Variants in FRMD5 observed in about 807,000 individuals in gnomAD.
The protein encoded by FRMD5 is FERM domain containing 5.
FRMD5 carries 20 observed loss-of-function variants against 69.0 expected under a neutral mutation model. The observed-to-expected ratio is 0.29, with a 90% CI of 0.20 to 0.42. The LOEUF is 0.42. FRMD5 is among the 10% of genes least tolerant of loss of function. The pLI is 1.00. For synonymous variants in FRMD5, 271 were observed against 260.1 expected (o/e 1.04, Z -0.40); for missense variants, 595 against 708.6 (o/e 0.84, Z 1.82).
At position 43,994,987 on chromosome 15, in the gene FRMD5, A is replaced by C. The variant is rs145711110; in HGVS notation, c.103-70678T>G. 2.0e-5 allele frequency among the ~76,000 whole-genome samples: 3 copies of C among 152,126 alleles called. No homozygotes were observed. The East Asian group carries it at 5.8e-4, about 29-fold the overall frequency. On this transcript the variant is annotated intron_variant, in intron 1 of 13. Coordinates refer to ENST00000417257, the MANE Select transcript of FRMD5 (RefSeq NM_032892.5). ...CTGAGAAAGCCTTTCTCTCTCCTTCATTTCTGAAGGACAGCTTCCAGGTAT... is the reference window on the plus strand; with the variant it reads ...CTGAGAAAGCCTTTCTCTCTCCTTCCTTTCTGAAGGACAGCTTCCAGGTAT...
chr15:44,106,851 T>A (rs1307428934), intron 1 of FRMD5, among the ~76,000 whole-genome samples: 1 of 152,228 alleles, frequency 6.6e-6, no homozygotes, highest in African/African-American at 2.4e-5. Context: ...CATTAGCCAT[T>A]CTCAAACTTT....
chr15:44,014,684 C>T (rs1890876058), intron 1 of FRMD5, among the ~76,000 whole-genome samples: 1 of 152,072 alleles, frequency 6.6e-6, no homozygotes. Flanking sequence ...TTGCCTTGAG[C>T]CAAGATTGCG....
intron 1 of FRMD5, among the ~76,000 whole-genome samples, chr15:43,947,716 C>T (rs1404656855): frequency 6.6e-6 from 1 of 152,144 alleles, no homozygotes; most frequent in African/African-American, 2.4e-5. Context: ...TTATATCAGA[C>T]AGAGTGTGTA....
chr15:43,930,763 GAAC>G (rs2089660852), intron 1 of FRMD5, among the ~76,000 whole-genome samples: 1 of 152,232 alleles, frequency 6.6e-6, no homozygotes. Context: ...TTGGGTCAGA[GAAC>G]TGGCTTTGCT....
chr15:44,103,681 A>G (rs778904100), intron 1 of FRMD5, among the ~76,000 whole-genome samples: 1 of 152,172 alleles, frequency 6.6e-6, no homozygotes, highest in African/African-American at 2.4e-5. Flanking sequence ...TTAGCAAGCA[A>G]TCATTCCCCA....
intron 5 of FRMD5, among the ~76,000 whole-genome samples, chr15:43,909,417 A>ACAAAT (rs2089243355): frequency 6.6e-6 from 1 of 150,758 alleles, no homozygotes; most frequent in African/African-American, 2.4e-5. Flanking sequence ...ACAAAACAAA[A>ACAAAT]CAAACAAAAA....
At chr15:44,126,811 A>G (rs1482786675) in intron 1 of FRMD5, among the ~76,000 whole-genome samples, 1 of 152,108 alleles carries the variant, frequency 6.6e-6, no homozygotes, top group African/African-American at 2.4e-5. Context: ...TTGCCTAAAT[A>G]ACTTTGGAAA....
chr15:44,045,769 T>C (rs976961316), intron 1 of FRMD5, among the ~76,000 whole-genome samples: 2 of 152,144 alleles, frequency 1.3e-5, no homozygotes, highest in Non-Finnish European at 2.9e-5. Flanking sequence ...TGTCACCCAT[T>C]CTCTTTGATA....
intron 1 of FRMD5, among the ~76,000 whole-genome samples, chr15:43,950,437 G>A (rs1004382077): frequency 2.0e-5 from 3 of 152,186 alleles, no homozygotes; most frequent in Admixed American, 1.3e-4. Context: ...ACGATAGACT[G>A]AAAGCTGATG....
intron 4 of FRMD5, among the ~76,000 whole-genome samples, chr15:43,914,357 T>A (rs900293816): frequency 6.6e-6 from 1 of 152,220 alleles, no homozygotes; most frequent in African/African-American, 2.4e-5. Flanking sequence ...ACTATAATTA[T>A]GTTTAGTACG....
intron 1 of FRMD5, among the ~76,000 whole-genome samples, chr15:43,988,357 C>CTTTTT (rs35486163): frequency 6.9e-6 from 1 of 145,836 alleles, no homozygotes; most frequent in East Asian, 2.0e-4. Flanking sequence ...GTCATTAGCA[C>CTTTTT]TTTTTTTTTT....
chr15:44,157,665 T>G (rs952476891), intron 1 of FRMD5, among the ~76,000 whole-genome samples: 1 of 152,186 alleles, frequency 6.6e-6, no homozygotes, highest in Non-Finnish European at 1.5e-5. Flanking sequence ...ACTAGCTCTA[T>G]GGTATGCAAA....
At chr15:44,149,339 A>G (rs962673638) in intron 1 of FRMD5, among the ~76,000 whole-genome samples, 3 of 152,146 alleles carry the variant, frequency 2.0e-5, no homozygotes, top group Non-Finnish European at 4.4e-5. Flanking sequence ...ACAAAAGAAG[A>G]TAGTAATACA....
chr15:43,958,654 G>A (rs781707164), intron 1 of FRMD5, among the ~76,000 whole-genome samples: 23 of 152,072 alleles, frequency 1.5e-4, no homozygotes, highest in Non-Finnish European at 2.6e-4. Context: ...AGTTGGTCTC[G>A]AATTCCTGGA....
intron 1 of FRMD5, among the ~76,000 whole-genome samples, chr15:43,934,504 T>C (rs1010612653): frequency 6.6e-6 from 1 of 152,204 alleles, no homozygotes; most frequent in Non-Finnish European, 1.5e-5. Flanking sequence ...TAGATGTTTA[T>C]TGCTAGTGTA....
At chr15:43,885,346 T>C (rs1595480868) in intron 11 of FRMD5, among the ~76,000 whole-genome samples, 1 of 152,122 alleles carries the variant, frequency 6.6e-6, no homozygotes, top group African/African-American at 2.4e-5. Flanking sequence ...ATAATTTTTT[T>C]TGTATTTTTA....
chr15:44,158,892 A>C (rs1298937294), intron 1 of FRMD5, among the ~76,000 whole-genome samples: 1 of 152,242 alleles, frequency 6.6e-6, no homozygotes, highest in East Asian at 1.9e-4. Context: ...CTAGTGGAAG[A>C]AAGAGCCACA....
intron 1 of FRMD5, among the ~76,000 whole-genome samples, chr15:43,953,058 A>T (rs944144889): frequency 6.6e-6 from 1 of 152,168 alleles, no homozygotes; most frequent in African/African-American, 2.4e-5. Context: ...CCTAAGAATG[A>T]CTTTTTCTCT....
chr15:43,948,531 T>A (rs1191813850), intron 1 of FRMD5, among the ~76,000 whole-genome samples: 1 of 152,250 alleles, frequency 6.6e-6, no homozygotes, highest in African/African-American at 2.4e-5. Flanking sequence ...ATCCTCCTTG[T>A]GGGGAACATT....
Sources: gnomAD v4.1 joint callset for allele counts (sites outside exome capture counted in the v4.1 genomes callset) on GRCh38, gnomAD v4.1.1 for gene constraint, MANE v1.5 for transcripts, NCBI Gene and HGNC (gene_info 2026-07-23, HGNC 2026-07-21) for gene names.